NCOR1: variants seen among roughly 807,000 people sequenced by gnomAD.
NCOR1 encodes the protein protein phosphatase 1, regulatory subunit 109.
A neutral mutation model predicts 288.1 loss-of-function variants in NCOR1; 63 were observed. That is an observed-to-expected ratio of 0.22 (90% CI 0.18 to 0.27). The LOEUF is 0.27. NCOR1 is among the 10% of genes least tolerant of loss of function. The probability of loss-of-function intolerance (pLI) is 1.00; values close to 1 mark genes in which losing one functional copy is unlikely to be tolerated. For missense variants in NCOR1, 2,397 were observed against 3,019.2 expected, an observed-to-expected ratio of 0.79 and a Z score of 4.83; for synonymous variants, 1,007 against 1,065.9, an observed-to-expected ratio of 0.94 and a Z score of 1.08.
At chr17:16,080,258 T>G in intron 25 of NCOR1, 150 bp downstream of exon 25, 1 of 846,248 alleles carries the variant, frequency 1.2e-6, no homozygotes, top group South Asian at 2.1e-5. Flanking sequence ...AACTTCAAGG[T>G]TTTAAAATGA....
chr17:16,130,568 A>T (rs2075435016), intron 14 of NCOR1, among the ~76,000 whole-genome samples: 1 of 152,282 alleles, frequency 6.6e-6, no homozygotes, highest in Non-Finnish European at 1.5e-5. Flanking sequence ...ATATAACATG[A>T]AACATTTCTG....
At chr17:16,169,895 T>C (rs552542251) in intron 4 of NCOR1, among the ~76,000 whole-genome samples, 6 of 152,278 alleles carry the variant, frequency 3.9e-5, no homozygotes, top group Admixed American at 1.3e-4. Context: ...CACAGACTAC[T>C]GTATGATAAA....
chr17:16,061,397 A>G lies in NCOR1; in HGVS notation c.5881+4T>C, dbSNP rs2060535531. 1 of 1,612,718 alleles carries G rather than the reference A, an allele frequency of 6.2e-7. No individual in the cohort carries two copies. The highest frequency in any genetic ancestry group is 8.5e-7 in the Non-Finnish European group (1 of 1,179,088). ...CATTGTGAAACTCGGATTGAGATAC[A>G]TACAGCTACTAGAAGAGTCTGAACT... On this transcript the variant is annotated splice_donor_region_variant and intron_variant, in intron 37 of 45. Coordinates refer to ENST00000268712, the MANE Select transcript of NCOR1 (RefSeq NM_006311.4).
At chr17:16,109,675 C>T (rs1179313816) in intron 18 of NCOR1, among the ~76,000 whole-genome samples, 1 of 152,106 alleles carries the variant, frequency 6.6e-6, no homozygotes, top group East Asian at 1.9e-4. Context: ...TTAAGAATCA[C>T]GCAATTTTAT....
In NCOR1 at chr17:16,088,636, A is replaced by G. The variant is rs528406072; in HGVS notation, c.3017-2194T>C. On this transcript the variant is annotated intron_variant, in intron 22 of 45. Coordinates refer to ENST00000268712, the MANE Select transcript of NCOR1 (RefSeq NM_006311.4). Reference sequence around the variant, plus strand: ...TTAAAAATCAGAAACAATTACAAAAATATCAACTGATATTCAAGTGCTAGG... The same window carrying G: ...TTAAAAATCAGAAACAATTACAAAAGTATCAACTGATATTCAAGTGCTAGG... 1.3e-3 allele frequency among the ~76,000 whole-genome samples: 205 copies of G among 152,334 alleles called. 1 individual carries two copies. The highest frequency in any genetic ancestry group is 4.7e-3 in the African/African-American group (194 of 41,598).
intron 22 of NCOR1, chr17:16,087,154 C>T (rs1347031636): frequency 2.3e-6 from 3 of 1,302,312 alleles, no homozygotes; most frequent in African/African-American, 3.0e-5. Context: ...AGCCACTGCA[C>T]AGAGGAGTGA....
At chr17:16,061,918 C>T (rs760314502) in intron 36 of NCOR1, 24 bp from the exon 37 acceptor site, 1 of 1,586,236 alleles carries the variant, frequency 6.3e-7, no homozygotes, top group South Asian at 1.2e-5. Flanking sequence ...CAAATCACAG[C>T]TCTGTGAAGG....
chr17:16,194,633 A>T lies in NCOR1; in HGVS notation c.-64T>A. On this transcript the variant is annotated 5_prime_UTR_variant, in exon 2 of 46. Coordinates refer to ENST00000268712, the MANE Select transcript of NCOR1 (RefSeq NM_006311.4). ...GCCAATAAACAATCATGTTTCTAGG[A>T]AACCACCTAAACAGGATGAGAAAAA... is the stretch of plus-strand genomic sequence containing the variant. The T allele has an allele frequency of 1.0e-6, 1 of 984,018 alleles. No homozygotes were observed. Among genetic ancestry groups the T allele is most frequent in the East Asian group, 2.6e-5 (1 of 38,782 alleles). The allele number at this position is 984,018 out of a possible 1,614,324, so 61.0% of individuals were successfully genotyped here.
chr17:16,210,424 G>C (rs1397611446), intron 1 of NCOR1, among the ~76,000 whole-genome samples: 1 of 151,990 alleles, frequency 6.6e-6, no homozygotes, highest in Non-Finnish European at 1.5e-5. Flanking sequence ...CTATTTATTT[G>C]GGCCTCAGGG....
At chr17:16,205,197 G>C (rs1199108850) in intron 1 of NCOR1, among the ~76,000 whole-genome samples, 1 of 151,348 alleles carries the variant, frequency 6.6e-6, no homozygotes, top group Non-Finnish European at 1.5e-5. Flanking sequence ...TCCAGCCTGT[G>C]CAACAAGAGC....
At chr17:16,073,986 T>C (rs765658355) in intron 27 of NCOR1, among the ~76,000 whole-genome samples, 4 of 151,910 alleles carry the variant, frequency 2.6e-5, no homozygotes, top group Non-Finnish European at 2.9e-5. Context: ...TGAATAAGAG[T>C]TGTTCAAGTC....
intron 1 of NCOR1, among the ~76,000 whole-genome samples, chr17:16,195,107 C>A (rs1434360197): frequency 1.3e-5 from 2 of 152,102 alleles, no homozygotes; most frequent in African/African-American, 4.8e-5. Flanking sequence ...GTTTTGTAAT[C>A]ACAGATGGTA....
At position 16,197,091 on chromosome 17, in the gene NCOR1, G is replaced by A. The variant is rs146348219; in HGVS notation, c.-70-2452C>T. ...GGCTCACGCACTTTAGGAGGCCAGC[G>A]CAGGCAGATCACGAGGTCAGGAGTT... On this transcript the variant is annotated intron_variant, in intron 1 of 45. Transcript: ENST00000268712. Among the ~76,000 whole-genome samples, 326 of 152,108 alleles carry A rather than the reference G, an allele frequency of 2.1e-3. 2 individuals carry two copies. The highest frequency in any genetic ancestry group is 0.021 in the East Asian group (108 of 5,152).
At chr17:16,191,998 A>T (rs2153547480) in intron 2 of NCOR1, 1 of 151,826 alleles carries the variant, frequency 6.6e-6, no homozygotes, top group Admixed American at 6.6e-5. Context: ...GAGGACTACC[A>T]GGTTGCCTAA....
At chr17:16,199,621 G>A (rs1217150559) in intron 1 of NCOR1, among the ~76,000 whole-genome samples, 1 of 152,096 alleles carries the variant, frequency 6.6e-6, no homozygotes, top group African/African-American at 2.4e-5. Flanking sequence ...TGAAATAAAA[G>A]AATCTAGTTT....
chr17:16,089,714 A>T (rs966732295), intron 22 of NCOR1, among the ~76,000 whole-genome samples: 7 of 152,118 alleles, frequency 4.6e-5, no homozygotes, highest in Admixed American at 3.3e-4. Context: ...AAACTGTTCT[A>T]TGAGGTTAAA....
chr17:16,085,361 A>G (rs1329070087), intron 23 of NCOR1, among the ~76,000 whole-genome samples: 1 of 152,198 alleles, frequency 6.6e-6, no homozygotes, highest in Admixed American at 6.5e-5. Context: ...ACACAAACCT[A>G]GTAATTCCAC....
chr17:16,113,584 T>C (rs2153089447), intron 18 of NCOR1, among the ~76,000 whole-genome samples: 1 of 152,214 alleles, frequency 6.6e-6, no homozygotes, highest in South Asian at 2.1e-4. Context: ...CAAGGAACCC[T>C]TCATACTCTG....
At chr17:16,203,765 CGA>C (rs2091161167) in intron 1 of NCOR1, among the ~76,000 whole-genome samples, 1 of 151,992 alleles carries the variant, frequency 6.6e-6, no homozygotes, top group Non-Finnish European at 1.5e-5. Context: ...TACGAATATA[CGA>C]GACTTATCTG....
Sources: allele counts gnomAD v4.1 joint callset (sites outside exome capture counted in the v4.1 genomes callset), GRCh38; gene constraint gnomAD v4.1.1; transcripts MANE v1.5; gene names NCBI Gene and HGNC (gene_info 2026-07-23, HGNC 2026-07-21).